Variants in ATP2C1 observed in about 807,000 individuals in gnomAD.
The protein encoded by ATP2C1 is ATPase secretory pathway Ca2+ transporting 1, also known as calcium-transporting ATPase type 2C member 1.
Under a neutral mutation model 120.5 loss-of-function variants are expected in ATP2C1, and 31 were observed. The ratio of observed to expected loss-of-function variants is 0.26; its 90% confidence interval spans 0.19 to 0.35. ATP2C1 has a LOEUF of 0.35. Ranked by LOEUF, ATP2C1 falls within the 10% of genes least tolerant of loss-of-function variation. The pLI, the probability that ATP2C1 is intolerant of heterozygous loss-of-function variation, is 1.00. For synonymous variants in ATP2C1, 351 were observed against 358.7 expected (o/e 0.98, Z 0.24); for missense variants, 731 against 1,107.5 (o/e 0.66, Z 4.83).
At chr3:130,860,733 CT>C (rs2067988178) in intron 1 of ATP2C1, among the ~76,000 whole-genome samples, 1 of 152,188 alleles carries the variant, frequency 6.6e-6, no homozygotes, top group Admixed American at 6.5e-5. Flanking sequence ...GGATTCCTTT[CT>C]CTCCTTCTTC....
chr3:130,916,165 G>T (rs947069349), intron 2 of ATP2C1, among the ~76,000 whole-genome samples: 4 of 151,996 alleles, frequency 2.6e-5, no homozygotes, highest in Non-Finnish European at 5.9e-5. Context: ...TAGCACTTTG[G>T]GAGGCTGAGG....
chr3:130,875,676 T>C (rs1446072798), intron 1 of ATP2C1, among the ~76,000 whole-genome samples: 1 of 152,198 alleles, frequency 6.6e-6, no homozygotes, highest in Non-Finnish European at 1.5e-5. Flanking sequence ...GTTCTATTTT[T>C]AGTTTTTTGA....
chr3:130,927,951 TG>T (rs2108318717), intron 2 of ATP2C1: 1 of 155,104 alleles, frequency 6.4e-6, no homozygotes, highest in African/African-American at 2.4e-5. Context: ...GTTCCTTCCT[TG>T]GGCCCTGTAT....
At chr3:130,922,501 C>T (rs1024813561) in intron 2 of ATP2C1, among the ~76,000 whole-genome samples, 2 of 151,794 alleles carry the variant, frequency 1.3e-5, no homozygotes, top group Non-Finnish European at 2.9e-5. Flanking sequence ...TTCTGCTGGG[C>T]TTAGGTTTGG....
intron 1 of ATP2C1, among the ~76,000 whole-genome samples, chr3:130,871,484 A>G (rs2068426952): frequency 6.6e-6 from 1 of 152,242 alleles, no homozygotes; most frequent in Admixed American, 6.5e-5. Flanking sequence ...TTCTAAAAAA[A>G]TTCCAGGTGG....
intron 14 of ATP2C1, 79 bp downstream of exon 14, chr3:130,965,124 A>T: frequency 3.1e-6 from 3 of 957,860 alleles, no homozygotes; most frequent in Non-Finnish European, 5.0e-6. Context: ...TAACAGTTCC[A>T]GTGTCTTACC....
In ATP2C1 at chr3:130,975,436, G is replaced by A. The variant is rs758560415; in HGVS notation, c.1518G>A (p.Gln506=). 1 of 1,613,896 alleles carries A rather than the reference G, an allele frequency of 6.2e-7. No individual in the cohort carries two copies. The highest frequency in any genetic ancestry group is 8.5e-7 in the Non-Finnish European group (1 of 1,179,868). ...KGQTLTLTQQ[Q]RDVYQQEKAR... is the part of the protein sequence containing the mutation. The stretch of plus-strand genomic sequence containing the variant: ...AGACCTTGACACTTACTCAGCAGCA[G>A]AGAGATGTGTACCAACAAGAGAAGG... The change falls in exon 18 of 28, where the codon CAG becomes CAA. Residue 506 remains glutamine, a synonymous_variant. Transcript: ENST00000510168.
chr3:130,979,238 T>C lies in ATP2C1; in HGVS notation c.1571-11T>C, dbSNP rs2061653618. On this transcript the variant is annotated splice_polypyrimidine_tract_variant and intron_variant, in intron 18 of 27. Coordinates refer to ENST00000510168, the MANE Select transcript of ATP2C1 (RefSeq NM_001378687.1). ...TTTTTTGTTGTTGTTTGGATTTTATTATTTCCTAAGTTCTTGCTTTGGCTT... is the reference window on the plus strand; with the variant it reads ...TTTTTTGTTGTTGTTTGGATTTTATCATTTCCTAAGTTCTTGCTTTGGCTT... The C allele has an allele frequency of 2.3e-5, 37 of 1,613,420 alleles. No homozygotes were observed. In the East Asian group the frequency reaches 8.0e-4, roughly 35 times the overall value.
At chr3:130,859,014 T>C (rs553242522) in intron 1 of ATP2C1, among the ~76,000 whole-genome samples, 1 of 152,328 alleles carries the variant, frequency 6.6e-6, no homozygotes, top group African/African-American at 2.4e-5. Context: ...TGCGGGGGTA[T>C]GTGACCCCTC....
At position 130,930,512 on chromosome 3, in the gene ATP2C1, G is replaced by A; in HGVS notation, c.103G>A (p.Ala35Thr). The change falls in exon 3 of 28, where the codon GCA becomes ACA. Residue 35 changes from alanine to threonine, a missense_variant. Ala to Thr is a moderately conservative substitution (Grantham distance 58). Around this residue, in one of 3 missense-constraint regions of ATP2C1, gnomAD observed 571 missense variants for 845.9 expected, o/e 0.67. Transcript: ENST00000510168. ...KASELPVSEVASILQADLQNG... is the reference protein window; with the variant it reads ...KASELPVSEVTSILQADLQNG... ...AAGTGAATTACCAGTCAGTGAAGTT[G>A]CAAGCATTCTCCAAGTAAGTGGTTA... 6.2e-7 allele frequency: 1 copy of A among 1,607,994 alleles called. No homozygotes were observed. The highest frequency in any genetic ancestry group is 8.5e-7 in the Non-Finnish European group (1 of 1,174,540).
Position 130,930,454 on chromosome 3 carries a change from G to C in ATP2C1, c.45G>C (p.Glu15Asp). The C allele has an allele frequency of 1.2e-6, 2 of 1,613,430 alleles. No individual in the cohort carries two copies. Among genetic ancestry groups the C allele is most frequent in the Non-Finnish European group, 1.7e-6 (2 of 1,179,458 alleles). Reference sequence around the variant, plus strand: ...AAAAAATACCTAATGGTGAAAATGAGACAATGATTCCTGTATTGACATCAA... The same window carrying C: ...AAAAAATACCTAATGGTGAAAATGACACAATGATTCCTGTATTGACATCAA... ...RFQKIPNGEN[E>D]TMIPVLTSKK... Residue 15 changes from glutamate (E) to aspartate (D), a missense_variant, in exon 3 of 28, where the codon GAG becomes GAC. Physicochemically the swap from Glu to Asp is conservative, Grantham distance 45. Around this residue, in one of 3 missense-constraint regions of ATP2C1, gnomAD observed 571 missense variants for 845.9 expected, o/e 0.67. Coordinates refer to ENST00000510168, the MANE Select transcript of ATP2C1 (RefSeq NM_001378687.1).
Position 130,997,593 on chromosome 3 carries a change from G to A in ATP2C1, c.2244-13G>A, listed in dbSNP as rs751231640. The A allele has an allele frequency of 2.5e-6, 4 of 1,611,752 alleles. No individual in the cohort carries two copies. The highest frequency in any genetic ancestry group is 3.4e-6 in the Non-Finnish European group (4 of 1,179,004). On this transcript the variant is annotated splice_polypyrimidine_tract_variant and intron_variant, in intron 24 of 27. Coordinates refer to ENST00000510168, the MANE Select transcript of ATP2C1 (RefSeq NM_001378687.1). ...AAACTTGAAAGTAATTTATTTTTCT[G>A]TTTGTTTTTAAGCCTTGGAGTAGAA... is the stretch of plus-strand genomic sequence containing the variant.
intron 2 of ATP2C1, among the ~76,000 whole-genome samples, chr3:130,902,714 C>G (rs904582017): frequency 6.6e-6 from 1 of 151,886 alleles, no homozygotes; most frequent in Non-Finnish European, 1.5e-5. Flanking sequence ...TAACTAGACC[C>G]CCCCCGAAGT....
intron 8 of ATP2C1, among the ~76,000 whole-genome samples, chr3:130,950,425 CA>C (rs1479194735): frequency 2.0e-5 from 3 of 152,098 alleles, no homozygotes; most frequent in African/African-American, 7.2e-5. Flanking sequence ...CTCATGAATG[CA>C]ATGAATAATG....
chr3:130,884,412 T>C (rs2068894747), intron 1 of ATP2C1, among the ~76,000 whole-genome samples: 1 of 152,250 alleles, frequency 6.6e-6, no homozygotes, highest in Non-Finnish European at 1.5e-5. Flanking sequence ...AAGACTTCTT[T>C]TGTGACCTAA....
At chr3:130,949,025 A>C (rs541307594) in intron 8 of ATP2C1, among the ~76,000 whole-genome samples, 1 of 152,274 alleles carries the variant, frequency 6.6e-6, no homozygotes, top group South Asian at 2.1e-4. Context: ...TCTCTGAGAA[A>C]CAGCAATATG....
At chr3:130,871,330 T>C (rs1358429789) in intron 1 of ATP2C1, among the ~76,000 whole-genome samples, 2 of 152,242 alleles carry the variant, frequency 1.3e-5, no homozygotes, top group African/African-American at 4.8e-5. Flanking sequence ...TATTTTTAGA[T>C]GAAAGCTTAA....
intron 26 of ATP2C1, among the ~76,000 whole-genome samples, chr3:131,010,411 G>A (rs933033022): frequency 3.3e-5 from 5 of 151,802 alleles, no homozygotes; most frequent in Non-Finnish European, 7.4e-5. Flanking sequence ...AGCCAGGATG[G>A]TCTCGATCTC....
intron 1 of ATP2C1, among the ~76,000 whole-genome samples, chr3:130,852,781 TC>T (rs2067715878): frequency 6.6e-6 from 1 of 152,204 alleles, no homozygotes; most frequent in South Asian, 2.1e-4. Flanking sequence ...TTGCCTCTAA[TC>T]CTTACATTCT....
Sources: gnomAD v4.1 joint callset for allele counts (sites outside exome capture counted in the v4.1 genomes callset) on GRCh38, gnomAD v4.1.1 for gene constraint, gnomAD v4.1.1 regional missense constraint, MANE v1.5 for transcripts, NCBI Gene and HGNC (gene_info 2026-07-23, HGNC 2026-07-21) for gene names.